CSMD1: variants seen among roughly 807,000 people sequenced by gnomAD.
CSMD1 encodes the protein CUB and Sushi multiple domains 1.
CSMD1 carries 213 observed loss-of-function variants against 417.5 expected under a neutral mutation model. The ratio of observed to expected loss-of-function variants is 0.51; its 90% CI spans 0.46 to 0.57. CSMD1 has a LOEUF of 0.57. Among genes scored for constraint, CSMD1 ranks in the 20% least tolerant of loss-of-function variants. CSMD1 has a pLI of 0.00. For synonymous variants in CSMD1, 2,862 were observed against 1,736.8 expected (o/e 1.65, Z -16.11); for missense variants, 6,923 against 4,529.7 (o/e 1.53, Z -15.17).
chr8:3,279,018 A>G (rs1020585645), intron 26 of CSMD1: 2 of 152,166 alleles, frequency 1.3e-5, no homozygotes, highest in African/African-American at 2.4e-5. Flanking sequence ...GTAGGAGTCA[A>G]ATGTTTATCA....
intron 7 of CSMD1, among the ~76,000 whole-genome samples, chr8:3,703,019 A>T (rs900223): frequency 0.96 from 145,654 of 152,278 alleles, 69,729 homozygotes; most frequent in East Asian, 1. Flanking sequence ...TTTTCCAAGA[A>T]TAAAATAATT....
intron 4 of CSMD1, among the ~76,000 whole-genome samples, chr8:4,027,976 C>A (rs1797150101): frequency 6.6e-6 from 1 of 152,100 alleles, no homozygotes; most frequent in African/African-American, 2.4e-5. Context: ...TGCCCAATGG[C>A]ACTCTCTTAA....
chr8:4,933,949 C>T (rs1407634741), intron 1 of CSMD1, among the ~76,000 whole-genome samples: 3 of 151,992 alleles, frequency 2.0e-5, no homozygotes, highest in South Asian at 4.2e-4. Context: ...ACAATGTATT[C>T]ATCTTTGCCC....
At chr8:3,316,203 A>AACTT (rs1362245540) in intron 23 of CSMD1, among the ~76,000 whole-genome samples, 5 of 152,244 alleles carry the variant, frequency 3.3e-5, no homozygotes, top group African/African-American at 4.8e-5. Flanking sequence ...AGGTGGTAAG[A>AACTT]ACTTACAATT....
At position 4,296,169 on chromosome 8, in the gene CSMD1, G is replaced by A. The variant is rs1797670293; in HGVS notation, c.415+123784C>T. 3.9e-5 allele frequency among the ~76,000 whole-genome samples: 6 copies of A among 152,088 alleles called. No homozygotes were observed. The South Asian group carries it at 1.2e-3, about 32-fold the overall frequency. ...GAAGGTGTGGTCAAACTATGCTCAG[G>A]GTCTCCCTCCTGGCACCTTAGTCCT... On this transcript the variant is annotated intron_variant, in intron 3 of 69. Transcript: ENST00000635120.
intron 2 of CSMD1, among the ~76,000 whole-genome samples, chr8:4,469,024 G>C (rs775569562): frequency 1.3e-5 from 2 of 152,144 alleles, no homozygotes; most frequent in East Asian, 1.9e-4. Flanking sequence ...AAGTTCAAAA[G>C]ACAATGCTAT....
At chr8:3,969,336 T>A (rs868128227) in intron 5 of CSMD1, among the ~76,000 whole-genome samples, 23 of 152,184 alleles carry the variant, frequency 1.5e-4, no homozygotes, top group Admixed American at 5.2e-4. Flanking sequence ...CTCTCGCTAC[T>A]TGCTTCCTAA....
At chr8:4,320,244 A>G (rs1799193081) in intron 3 of CSMD1, among the ~76,000 whole-genome samples, 1 of 152,212 alleles carries the variant, frequency 6.6e-6, no homozygotes, top group African/African-American at 2.4e-5. Flanking sequence ...CATGAAAAGA[A>G]ACAGGAAAAT....
At chr8:4,250,600 G>C (rs748789978) in intron 3 of CSMD1, among the ~76,000 whole-genome samples, 13 of 152,134 alleles carry the variant, frequency 8.5e-5, no homozygotes, top group Admixed American at 2.6e-4. Context: ...GATTATAATT[G>C]ATAGGTCTAC....
intron 1 of CSMD1, among the ~76,000 whole-genome samples, chr8:4,726,194 G>T (rs905267227): frequency 6.6e-6 from 1 of 151,980 alleles, no homozygotes; most frequent in Non-Finnish European, 1.5e-5. Context: ...ACACTTGGAA[G>T]TTTTCAGCTG....
intron 1 of CSMD1, among the ~76,000 whole-genome samples, chr8:4,950,693 A>G (rs1808682261): frequency 6.6e-6 from 1 of 152,210 alleles, no homozygotes; most frequent in Non-Finnish European, 1.5e-5. Flanking sequence ...TACTTTGATT[A>G]CATTGGCAAT....
intron 1 of CSMD1, among the ~76,000 whole-genome samples, chr8:4,951,029 T>C (rs1172798796): frequency 3.3e-5 from 5 of 152,052 alleles, no homozygotes; most frequent in African/African-American, 7.2e-5. Context: ...GACCTATACA[T>C]AATTTAACCC....
intron 5 of CSMD1, among the ~76,000 whole-genome samples, chr8:3,961,439 T>A (rs566496958): frequency 6.6e-6 from 1 of 152,324 alleles, no homozygotes; most frequent in East Asian, 1.9e-4. Flanking sequence ...CCACAGGTGA[T>A]CTTTGACACA....
intron 10 of CSMD1, among the ~76,000 whole-genome samples, chr8:3,573,381 G>T (rs1318284780): frequency 6.6e-6 from 1 of 152,122 alleles, no homozygotes; most frequent in Non-Finnish European, 1.5e-5. Context: ...AACAAGGTTT[G>T]TACCACTGTA....
At chr8:3,942,346 G>A (rs1810939438) in intron 5 of CSMD1, among the ~76,000 whole-genome samples, 1 of 151,994 alleles carries the variant, frequency 6.6e-6, no homozygotes, top group Non-Finnish European at 1.5e-5. Flanking sequence ...CTGGTGTCAG[G>A]CGCCAAAATG....
intron 5 of CSMD1, among the ~76,000 whole-genome samples, chr8:3,855,776 G>C (rs984922819): frequency 6.6e-6 from 1 of 152,136 alleles, no homozygotes; most frequent in Admixed American, 6.5e-5. Context: ...CTGACTTTCT[G>C]AGTAAAGACA....
At chr8:4,245,656 C>G (rs1802660270) in intron 3 of CSMD1, among the ~76,000 whole-genome samples, 1 of 152,048 alleles carries the variant, frequency 6.6e-6, no homozygotes, top group South Asian at 2.1e-4. Context: ...TTCAGATAAC[C>G]AATCTACCCC....
At chr8:4,959,926 C>T (rs1028703139) in intron 1 of CSMD1, among the ~76,000 whole-genome samples, 77 of 152,282 alleles carry the variant, frequency 5.1e-4, no homozygotes, top group African/African-American at 1.7e-3. Context: ...TTCTGCTCTA[C>T]ACTTTTAAAA....
chr8:4,650,205 T>C (rs960614503), intron 1 of CSMD1, among the ~76,000 whole-genome samples: 8 of 150,938 alleles, frequency 5.3e-5, no homozygotes, highest in East Asian at 3.9e-4. Flanking sequence ...ATTAGCCGGG[T>C]GTGGTGGCGG....
Sources: allele counts gnomAD v4.1 joint callset (sites outside exome capture counted in the v4.1 genomes callset), GRCh38; gene constraint gnomAD v4.1.1; transcripts MANE v1.5; gene names NCBI Gene and HGNC (gene_info 2026-07-23, HGNC 2026-07-21).